Variants in MAML2 observed in about 807,000 individuals in gnomAD.
The protein encoded by MAML2 is mastermind like transcriptional coactivator 2.
Under a neutral mutation model 96.1 loss-of-function variants are expected in MAML2, and 22 were observed. The ratio of observed to expected loss-of-function variants is 0.23; its 90% CI spans 0.16 to 0.33. The LOEUF is 0.33. Among genes scored for constraint, MAML2 ranks in the 10% least tolerant of loss-of-function variants. The pLI is 1.00. For missense variants in MAML2, 1,367 were observed against 1,392.4 expected, an observed-to-expected ratio of 0.98 and a Z score of 0.29; for synonymous variants, 561 against 521.3, an observed-to-expected ratio of 1.08 and a Z score of -1.04.
intron 1 of MAML2, among the ~76,000 whole-genome samples, chr11:96,334,851 T>C (rs796220482): frequency 6.6e-6 from 1 of 152,362 alleles, no homozygotes; most frequent in African/African-American, 2.4e-5. Flanking sequence ...TTCATATCCA[T>C]TCCTTCAGTA....
At chr11:96,089,719 G>C (rs1403110061) in intron 2 of MAML2, among the ~76,000 whole-genome samples, 1 of 151,996 alleles carries the variant, frequency 6.6e-6, no homozygotes, top group Non-Finnish European at 1.5e-5. Context: ...ATATGTTATA[G>C]AATTATTGAT....
intron 1 of MAML2, among the ~76,000 whole-genome samples, chr11:96,209,522 C>T (rs774633345): frequency 5.9e-5 from 9 of 151,874 alleles, no homozygotes; most frequent in Admixed American, 3.3e-4. Flanking sequence ...TTGCAGTGAG[C>T]GGAGATTGGC....
At chr11:96,108,709 C>A (rs1044280377) in intron 1 of MAML2, among the ~76,000 whole-genome samples, 1 of 152,114 alleles carries the variant, frequency 6.6e-6, no homozygotes, top group Admixed American at 6.5e-5. Flanking sequence ...AAAGAAACTT[C>A]ATTTTATAGA....
intron 1 of MAML2, among the ~76,000 whole-genome samples, chr11:96,225,876 G>A (rs1318138073): frequency 1.3e-5 from 2 of 151,996 alleles, no homozygotes; most frequent in East Asian, 1.9e-4. Flanking sequence ...TACAGAGATC[G>A]TACGAGCATT....
chr11:96,019,089 A>G (rs954122304), intron 2 of MAML2, among the ~76,000 whole-genome samples: 1 of 152,222 alleles, frequency 6.6e-6, no homozygotes, highest in African/African-American at 2.4e-5. Context: ...GAGAGGTAGC[A>G]GAAGAAAATG....
chr11:96,218,840 CATACTT>C (rs1862089395), intron 1 of MAML2, among the ~76,000 whole-genome samples: 1 of 152,246 alleles, frequency 6.6e-6, no homozygotes, highest in South Asian at 2.1e-4. Context: ...ATATTTGAAA[CATACTT>C]GTACTGAAAG....
intron 2 of MAML2, among the ~76,000 whole-genome samples, chr11:96,088,439 G>A (rs1859652593): frequency 6.6e-6 from 1 of 152,152 alleles, no homozygotes; most frequent in Non-Finnish European, 1.5e-5. Context: ...AAACCCTCAT[G>A]AGCCCTGATC....
In MAML2 at chr11:96,322,627, G is replaced by C. The variant is rs1039608157; in HGVS notation, c.513+18756C>G. On this transcript the variant is annotated intron_variant, in intron 1 of 4. Coordinates refer to ENST00000524717, the MANE Select transcript of MAML2 (RefSeq NM_032427.4). ...GAATGGCGTGAACCCGGAAGGCGGA[G>C]CTTGCAGTGAGCCGAGATCGCGCCA... is the stretch of plus-strand genomic sequence containing the variant. Among the ~76,000 whole-genome samples, 14 of 152,318 alleles carry C rather than the reference G, an allele frequency of 9.2e-5. No homozygotes were observed. In the East Asian group the frequency reaches 2.7e-3, roughly 29 times the overall value.
chr11:96,089,925 C>G (rs1392365486), intron 2 of MAML2, among the ~76,000 whole-genome samples: 2 of 151,922 alleles, frequency 1.3e-5, no homozygotes, highest in African/African-American at 2.4e-5. Context: ...AAAAAATTAT[C>G]TAAGGCATTG....
intron 1 of MAML2, among the ~76,000 whole-genome samples, chr11:96,191,747 G>A (rs1266384501): frequency 6.9e-6 from 1 of 143,964 alleles, no homozygotes; most frequent in Admixed American, 7.2e-5. Context: ...ACTCCAGCCT[G>A]GCAACAGAGC....
intron 1 of MAML2, among the ~76,000 whole-genome samples, chr11:96,335,804 C>T (rs2136020501): frequency 6.6e-6 from 1 of 152,154 alleles, no homozygotes; most frequent in East Asian, 1.9e-4. Context: ...CTCATTTGTC[C>T]CCCTCAGTAC....
chr11:96,096,612 G>T (rs1248534389), intron 1 of MAML2, among the ~76,000 whole-genome samples: 1 of 152,084 alleles, frequency 6.6e-6, no homozygotes, highest in Admixed American at 6.5e-5. Flanking sequence ...AGAGGTAAAT[G>T]GTACCTACAC....
chr11:96,288,627 C>A (rs1863171229), intron 1 of MAML2, among the ~76,000 whole-genome samples: 1 of 150,952 alleles, frequency 6.6e-6, no homozygotes. Context: ...TGCCAAGCAA[C>A]AAATGGTAAT....
intron 1 of MAML2, among the ~76,000 whole-genome samples, chr11:96,266,735 G>T (rs1210784615): frequency 1.3e-5 from 2 of 152,156 alleles, no homozygotes; most frequent in Non-Finnish European, 2.9e-5. Context: ...GTGCTTAAAT[G>T]GTAGGATGTA....
intron 1 of MAML2, among the ~76,000 whole-genome samples, chr11:96,326,763 A>AAAAT (rs146947017): frequency 0.01 from 1,582 of 152,006 alleles, 19 homozygotes; most frequent in African/African-American, 0.036. Flanking sequence ...AAAGTCTGTC[A>AAAAT]AAGTAAATAA....
At chr11:96,224,266 C>T (rs1025574477) in intron 1 of MAML2, among the ~76,000 whole-genome samples, 3 of 152,002 alleles carry the variant, frequency 2.0e-5, no homozygotes, top group Non-Finnish European at 4.4e-5. Context: ...CCTAAAGTAC[C>T]AGTCTATTTA....
intron 2 of MAML2, among the ~76,000 whole-genome samples, chr11:95,997,386 T>C (rs1180979058): frequency 1.3e-5 from 2 of 152,164 alleles, no homozygotes; most frequent in East Asian, 3.8e-4. Context: ...TGCTTAAGTA[T>C]GGATAAAACT....
intron 1 of MAML2, among the ~76,000 whole-genome samples, chr11:96,152,977 C>T (rs1189219483): frequency 1.3e-5 from 2 of 152,106 alleles, no homozygotes; most frequent in Non-Finnish European, 2.9e-5. Flanking sequence ...TTAAGTGATT[C>T]TAATTATCAC....
At chr11:96,030,049 C>T (rs1858588004) in intron 2 of MAML2, among the ~76,000 whole-genome samples, 1 of 152,000 alleles carries the variant, frequency 6.6e-6, no homozygotes. Context: ...CTGGCCAACA[C>T]AGTGAAACCC....
Sources: gnomAD v4.1 joint callset for allele counts (sites outside exome capture counted in the v4.1 genomes callset) on GRCh38, gnomAD v4.1.1 for gene constraint, MANE v1.5 for transcripts, NCBI Gene and HGNC (gene_info 2026-07-23, HGNC 2026-07-21) for gene names.